Variants in CSMD1 observed in about 807,000 individuals in gnomAD.
CSMD1 encodes CUB and Sushi multiple domains 1.
Under a neutral mutation model 417.5 loss-of-function variants are expected in CSMD1, and 213 were observed. The ratio of observed to expected loss-of-function variants is 0.51; its 90% CI spans 0.46 to 0.57. CSMD1 has a LOEUF of 0.57. CSMD1 is among the 20% of genes least tolerant of loss of function. The probability of loss-of-function intolerance (pLI) is 0.00; values close to 1 mark genes in which losing one functional copy is unlikely to be tolerated. For synonymous variants in CSMD1, 2,862 were observed against 1,736.8 expected, an observed-to-expected ratio of 1.65 and a Z score of -16.11; for missense variants, 6,923 against 4,529.7, an observed-to-expected ratio of 1.53 and a Z score of -15.17.
intron 3 of CSMD1, among the ~76,000 whole-genome samples, chr8:4,394,978 A>C (rs988183792): frequency 2.6e-5 from 4 of 152,200 alleles, no homozygotes; most frequent in African/African-American, 9.6e-5. Context: ...ATTCACAGTT[A>C]AGAAAGGGAA....
intron 3 of CSMD1, among the ~76,000 whole-genome samples, chr8:4,064,190 G>C (rs115693338): frequency 2.6e-5 from 4 of 152,294 alleles, no homozygotes; most frequent in African/African-American, 9.6e-5. Context: ...AAGACATTAG[G>C]AGCTTTCACC....
chr8:3,665,675 AGATAAAACTCAG>A, intron 7 of CSMD1, among the ~76,000 whole-genome samples: 1 of 152,360 alleles, frequency 6.6e-6, no homozygotes, highest in East Asian at 1.9e-4. Context: ...ACAAACAGAA[AGATAAAACTCAG>A]GAAATGTGAA....
chr8:3,991,918 A>AT (rs1454185411), intron 5 of CSMD1, among the ~76,000 whole-genome samples: 1 of 152,126 alleles, frequency 6.6e-6, no homozygotes, highest in Non-Finnish European at 1.5e-5. Context: ...AGTAGCAACT[A>AT]TTGTTTATAT....
chr8:3,953,956 G>C (rs961845076), intron 5 of CSMD1, among the ~76,000 whole-genome samples: 1 of 152,180 alleles, frequency 6.6e-6, no homozygotes, highest in African/African-American at 2.4e-5. Context: ...CTCGCCTTAG[G>C]CTGGGAGCGC....
intron 49 of CSMD1, among the ~76,000 whole-genome samples, chr8:3,083,940 A>T (rs1290554078): frequency 6.6e-6 from 1 of 151,940 alleles, no homozygotes; most frequent in Admixed American, 6.6e-5. Context: ...CTTGGAATAC[A>T]GGTGTCAGCC....
At chr8:4,868,673 A>G (rs1324608319) in intron 1 of CSMD1, among the ~76,000 whole-genome samples, 1 of 152,066 alleles carries the variant, frequency 6.6e-6, no homozygotes, top group Admixed American at 6.6e-5. Flanking sequence ...AAGAATAAAA[A>G]CACAACTAAC....
intron 38 of CSMD1, among the ~76,000 whole-genome samples, chr8:3,158,205 CT>C (rs1819653988): frequency 6.6e-6 from 1 of 152,104 alleles, no homozygotes; most frequent in South Asian, 2.1e-4. Flanking sequence ...TTGCAATGTC[CT>C]TTTGACCAGA....
intron 3 of CSMD1, among the ~76,000 whole-genome samples, chr8:4,047,745 G>A (rs911034073): frequency 6.6e-6 from 1 of 151,780 alleles, no homozygotes; most frequent in Admixed American, 6.6e-5. Context: ...AATAAATCAA[G>A]AGAAAATGGT....
chr8:4,095,247 T>G (rs1800943124), intron 3 of CSMD1, among the ~76,000 whole-genome samples: 1 of 152,162 alleles, frequency 6.6e-6, no homozygotes, highest in Middle Eastern at 3.2e-3. Flanking sequence ...TCTTTCATGT[T>G]CCCTAAGAGG....
At position 4,736,248 on chromosome 8, in the gene CSMD1, G is replaced by C. The variant is rs539514326; in HGVS notation, c.86-98690C>G. Among the ~76,000 whole-genome samples, 271 of 152,264 alleles carry C rather than the reference G, an allele frequency of 1.8e-3. 1 individual carries two copies. Among genetic ancestry groups the C allele is most frequent in the African/African-American group, 6.2e-3 (256 of 41,554 alleles). ...AAAAAATTTAAAAAGAGACGTAAAAGTTCTCACACTTTTTATTTTCTTCAG... is the reference window on the plus strand; with the variant it reads ...AAAAAATTTAAAAAGAGACGTAAAACTTCTCACACTTTTTATTTTCTTCAG... On this transcript the variant is annotated intron_variant, in intron 1 of 69. Coordinates refer to ENST00000635120, the MANE Select transcript of CSMD1 (RefSeq NM_033225.6).
At chr8:4,669,341 G>C (rs566320242) in intron 1 of CSMD1, among the ~76,000 whole-genome samples, 1 of 152,072 alleles carries the variant, frequency 6.6e-6, no homozygotes, top group Non-Finnish European at 1.5e-5. Flanking sequence ...CACTCCAATT[G>C]GTAATTCCTC....
intron 7 of CSMD1, among the ~76,000 whole-genome samples, chr8:3,652,474 T>C (rs1797905521): frequency 6.6e-6 from 1 of 152,210 alleles, no homozygotes; most frequent in South Asian, 2.1e-4. Context: ...AATAAAGACA[T>C]ACCTGAGACT....
intron 1 of CSMD1, among the ~76,000 whole-genome samples, chr8:4,728,160 T>A (rs1306143288): frequency 1.4e-5 from 2 of 147,336 alleles, no homozygotes; most frequent in East Asian, 3.9e-4. Flanking sequence ...TATATATATT[T>A]TATATATATA....
At chr8:3,440,929 C>A (rs575033313) in intron 12 of CSMD1, among the ~76,000 whole-genome samples, 1 of 152,144 alleles carries the variant, frequency 6.6e-6, no homozygotes, top group African/African-American at 2.4e-5. Context: ...TGTCCCCAGA[C>A]GTGGTGACTG....
chr8:4,881,496 T>C (rs936216138), intron 1 of CSMD1, among the ~76,000 whole-genome samples: 1 of 151,240 alleles, frequency 6.6e-6, no homozygotes. Flanking sequence ...CCCTTGCCTA[T>C]AGAATTAGGC....
intron 41 of CSMD1, chr8:3,128,837 T>C (rs1324124899): frequency 2.2e-6 from 1 of 451,522 alleles, no homozygotes; most frequent in Non-Finnish European, 4.4e-6. Flanking sequence ...TTCTTCTCCT[T>C]GACATCTGGC....
chr8:3,664,418 T>G (rs1798576559), intron 7 of CSMD1, among the ~76,000 whole-genome samples: 1 of 152,174 alleles, frequency 6.6e-6, no homozygotes. Context: ...TCAGTTCTCT[T>G]CCAAAACCAT....
chr8:4,204,962 T>C (rs1468142959), intron 3 of CSMD1, among the ~76,000 whole-genome samples: 3 of 152,208 alleles, frequency 2.0e-5, no homozygotes, highest in Non-Finnish European at 4.4e-5. Context: ...ATCTGGCCTA[T>C]AAAAATTGTT....
At chr8:3,998,384 T>C (rs1329898229) in intron 4 of CSMD1, among the ~76,000 whole-genome samples, 12 of 152,204 alleles carry the variant, frequency 7.9e-5, no homozygotes, top group Admixed American at 7.8e-4. Flanking sequence ...AGTTGCCATG[T>C]ACCTGACATT....
Sources: allele counts gnomAD v4.1 joint callset (sites outside exome capture counted in the v4.1 genomes callset), GRCh38; gene constraint gnomAD v4.1.1; transcripts MANE v1.5; gene names NCBI Gene and HGNC (gene_info 2026-07-23, HGNC 2026-07-21).